Variants in GPSM2 observed in about 807,000 individuals in gnomAD.
The protein encoded by GPSM2 is G protein signaling modulator 2, also known as G protein-signaling modulator 2.
In GPSM2, 58 loss-of-function variants were observed where a neutral mutation model predicts 78.4. That is an observed-to-expected ratio of 0.74 (90% CI 0.60 to 0.92). GPSM2 has a LOEUF of 0.92. Among genes scored for constraint, GPSM2 ranks in the 40% least tolerant of loss-of-function variants. GPSM2 has a pLI of 0.00. For synonymous variants in GPSM2, 224 were observed against 280.2 expected, an observed-to-expected ratio of 0.80 and a Z score of 2.00; for missense variants, 700 against 815.5, an observed-to-expected ratio of 0.86 and a Z score of 1.73.
In GPSM2 at chr1:108,904,296, A is replaced by G. The variant is rs371786674; in HGVS notation, c.1192+42A>G. 2.3e-5 allele frequency: 29 copies of G among 1,237,870 alleles called. No individual in the cohort carries two copies. The African/African-American group carries it at 3.4e-4, about 15-fold the overall frequency. 76.7% of individuals were successfully genotyped at this position (1,237,870 alleles called of 1,614,324 possible). ...TTAAAACCCAATTTTTTTATCCTCA[A>G]TATTTAGATTAAAGTTATTTATCAC... On this transcript the variant is annotated intron_variant, in intron 10 of 14. Transcript: ENST00000264126.
At chr1:108,928,353 T>G (rs1267425546) in intron 14 of GPSM2, among the ~76,000 whole-genome samples, 1 of 152,130 alleles carries the variant, frequency 6.6e-6, no homozygotes, top group Admixed American at 6.5e-5. Flanking sequence ...GTCTAGGAAC[T>G]AAGTGAGGAA....
In GPSM2 at chr1:108,915,614, A is replaced by C. The variant is rs143147936; in HGVS notation, c.1263+1206A>C. Among the ~76,000 whole-genome samples, 413 of 151,270 alleles carry C rather than the reference A, an allele frequency of 2.7e-3. 2 individuals are homozygous for C. The Middle Eastern group carries it at 0.038, about 14-fold the overall frequency. On this transcript the variant is annotated intron_variant, in intron 11 of 14. Coordinates refer to ENST00000264126, the MANE Select transcript of GPSM2 (RefSeq NM_013296.5). ...GCTAATGTTTGTATTTTTAGTAAAG[A>C]CAGGGTTTCACCGTGTTGGCCACGA... is the stretch of plus-strand genomic sequence containing the variant.
At position 108,896,928 on chromosome 1, in the gene GPSM2, C is replaced by G. The variant is rs762581956; in HGVS notation, c.121C>G (p.Arg41Gly). The G allele has an allele frequency of 6.2e-7, 1 of 1,614,110 alleles. No homozygotes were observed. The highest frequency in any genetic ancestry group is 8.5e-7 in the Non-Finnish European group (1 of 1,179,968). Residue 41 changes from arginine (R) to glycine (G), a missense_variant, in exon 3 of 15, where the codon CGC (arginine) becomes GGC (glycine). Physicochemically the swap from Arg to Gly is moderately radical, Grantham distance 125 (BLOSUM62 -2). Transcript: ENST00000264126. Reference protein sequence around the residue: ...GERLCKSGDCRAGVSFFEAAV... With the variant: ...GERLCKSGDCGAGVSFFEAAV... ...ACGTCTATGTAAATCAGGAGACTGC[C>G]GCGCTGGCGTGTCATTCTTTGAAGC...
rs140730436 is a variant in GPSM2, at chr1:108,892,474, G to GA, written c.57-4386dup. Among the ~76,000 whole-genome samples the GA allele has an allele frequency of 3.9e-3, 589 of 152,254 alleles. 9 individuals carry two copies. The highest frequency in any genetic ancestry group is 0.013 in the African/African-American group (552 of 41,554). On this transcript the variant is annotated intron_variant, in intron 2 of 14. Coordinates refer to ENST00000264126, the MANE Select transcript of GPSM2 (RefSeq NM_013296.5). The stretch of plus-strand genomic sequence containing the variant: ...AAATGTTCACTCTATTAGCAAAAAT[G>GA]AAAACACGTCAGTTAAGGATAGTAG...
rs548855268 is a variant in GPSM2, at chr1:108,933,507, T to C, written c.*3567T>C. The C allele has an allele frequency of 6.6e-6, 1 of 152,366 alleles. No homozygotes were observed. The highest frequency in any genetic ancestry group is 6.5e-5 in the Admixed American group (1 of 15,304). The allele number at this position is 152,366 out of a possible 1,614,324, so 9.4% of individuals were successfully genotyped here. A position where few individuals can be genotyped will look rare whatever the true frequency, so the allele number is the denominator to read the frequency against. On this transcript the variant is annotated 3_prime_UTR_variant, in exon 15 of 15. Coordinates refer to ENST00000264126, the MANE Select transcript of GPSM2 (RefSeq NM_013296.5). The stretch of plus-strand genomic sequence containing the variant: ...GGATCCAAAAATGTGTATTCTGCAT[T>C]TCATATTAAAATAAAAAAGCAAGTG...
intron 1 of GPSM2, among the ~76,000 whole-genome samples, chr1:108,879,824 G>A (rs1466153726): frequency 1.3e-5 from 2 of 151,930 alleles, no homozygotes; most frequent in African/African-American, 2.4e-5. Flanking sequence ...CAAAAAAAAA[G>A]GGGGGGCTGA....
At chr1:108,901,398 C>T (rs981483864) in intron 7 of GPSM2, among the ~76,000 whole-genome samples, 1 of 152,078 alleles carries the variant, frequency 6.6e-6, no homozygotes, top group Non-Finnish European at 1.5e-5. Flanking sequence ...TTTGACAATG[C>T]AAAGGTGACG....
At chr1:108,929,260 A>C (rs1557883722) in intron 14 of GPSM2, among the ~76,000 whole-genome samples, 1 of 152,184 alleles carries the variant, frequency 6.6e-6, no homozygotes, top group Non-Finnish European at 1.5e-5. Flanking sequence ...CCCCTAGCCT[A>C]AGACGTGATT....
chr1:108,924,439 G>A (rs1013306323), intron 14 of GPSM2: 6 of 587,020 alleles, frequency 1.0e-5, no homozygotes, highest in Admixed American at 5.5e-5. Flanking sequence ...AGAGACGTGT[G>A]TGTGTGTGTA....
chr1:108,919,143 G>C (rs912234000), intron 12 of GPSM2, among the ~76,000 whole-genome samples: 1 of 151,884 alleles, frequency 6.6e-6, no homozygotes. Flanking sequence ...GAGTAGCTGC[G>C]ATTACAGGTG....
At chr1:108,882,766 A>G (rs1232639109) in intron 1 of GPSM2, 2 of 152,238 alleles carry the variant, frequency 1.3e-5, no homozygotes, top group Admixed American at 1.3e-4. Flanking sequence ...TGCAATGAGT[A>G]TCCACACTAA....
chr1:108,930,456 A>AAAAG lies in GPSM2; in HGVS notation c.*520_*523dup, dbSNP rs1651746148. Reference sequence around the variant, plus strand: ...TGTTTTTTTAGGCCAAAGTCAGTATAAAAGAAACTCTACTTCTTGGGCTGG... The same window carrying AAAAG: ...TGTTTTTTTAGGCCAAAGTCAGTATAAAAGAAAGAAACTCTACTTCTTGGGCTGG... On this transcript the variant is annotated 3_prime_UTR_variant, in exon 15 of 15. Coordinates refer to ENST00000264126, the MANE Select transcript of GPSM2 (RefSeq NM_013296.5). The AAAAG allele has an allele frequency of 6.5e-6, 1 of 153,920 alleles. No individual in the cohort carries two copies. The highest frequency in any genetic ancestry group is 1.4e-5 in the Non-Finnish European group (1 of 69,350). 9.5% of individuals were successfully genotyped at this position (153,920 alleles called of 1,614,324 possible).
intron 11 of GPSM2, among the ~76,000 whole-genome samples, chr1:108,916,093 A>T (rs1045859294): frequency 6.6e-6 from 1 of 151,362 alleles, no homozygotes; most frequent in Admixed American, 6.6e-5. Context: ...AAAAAAAAAA[A>T]AGATAGAAAA....
At chr1:108,888,332 G>A (rs575711398) in intron 2 of GPSM2, among the ~76,000 whole-genome samples, 27 of 151,846 alleles carry the variant, frequency 1.8e-4, no homozygotes, top group Admixed American at 1.6e-3. Context: ...GATTACAGGC[G>A]TGAGCCACTG....
At chr1:108,914,301 TCC>T in intron 10 of GPSM2, 35 bp from the exon 11 acceptor site, 1 of 1,385,454 alleles carries the variant, frequency 7.2e-7, no homozygotes, top group Non-Finnish European at 1.0e-6. Context: ...TCTTAAGGGC[TCC>T]CTGGTTTATT....
Position 108,929,902 on chromosome 1 carries a change from G to C in GPSM2, c.2017G>C (p.Glu673Gln), listed in dbSNP as rs1396317509. The change falls in exon 15 of 15, where the codon GAG becomes CAG. Residue 673 changes from glutamate (E) to glutamine (Q), a missense_variant. By Grantham distance (29) the Glu-to-Gln change is conservative. Coordinates refer to ENST00000264126, the MANE Select transcript of GPSM2 (RefSeq NM_013296.5). ...KDFLQNNALL[E>Q]FKNSGKKSAD... ...CTTTTTGCAAAATAATGCTTTGTTG[G>C]AGTTTAAAAATTCAGGGAAAAAATC... 1.2e-6 allele frequency: 2 copies of C among 1,613,706 alleles called. No individual in the cohort carries two copies. The highest frequency in any genetic ancestry group is 4.5e-5 in the East Asian group (2 of 44,864).
At chr1:108,886,826 T>G (rs2101337106) in intron 2 of GPSM2, among the ~76,000 whole-genome samples, 1 of 151,952 alleles carries the variant, frequency 6.6e-6, no homozygotes, top group Admixed American at 6.5e-5. Flanking sequence ...GTCTTCCTGA[T>G]TTTTCAGAAG....
intron 10 of GPSM2, among the ~76,000 whole-genome samples, chr1:108,905,226 G>A (rs1024033774): frequency 2.6e-5 from 4 of 152,180 alleles, no homozygotes; most frequent in Admixed American, 6.5e-5. Context: ...AGGTTATGCC[G>A]TTAAGAGCTC....
chr1:108,920,689 T>G (rs1375456123), intron 12 of GPSM2, among the ~76,000 whole-genome samples: 1 of 152,068 alleles, frequency 6.6e-6, no homozygotes, highest in African/African-American at 2.4e-5. Context: ...TTTTCTGGGG[T>G]AGCTATGACT....
Sources: gnomAD v4.1 joint callset for allele counts (sites outside exome capture counted in the v4.1 genomes callset) on GRCh38, gnomAD v4.1.1 for gene constraint, MANE v1.5 for transcripts, NCBI Gene and HGNC (gene_info 2026-07-23, HGNC 2026-07-21) for gene names.